Variants in TPPP observed in about 807,000 individuals in gnomAD.
TPPP encodes the protein tubulin polymerization-promoting protein.
Under a neutral mutation model 15.5 loss-of-function variants are expected in TPPP, and 6 were observed. The ratio of observed to expected loss-of-function variants is 0.39; its 90% CI spans 0.21 to 0.77. TPPP has a LOEUF of 0.77. Among genes scored for constraint, TPPP ranks in the 30% least tolerant of loss-of-function variants. TPPP has a pLI of 0.42. For synonymous variants in TPPP, 146 were observed against 133.9 expected, an observed-to-expected ratio of 1.09 and a Z score of -0.63; for missense variants, 269 against 307.2, an observed-to-expected ratio of 0.88 and a Z score of 0.93.
At chr5:668,382 G>T (rs1465869719) in intron 2 of TPPP, among the ~76,000 whole-genome samples, 3 of 104,388 alleles carry the variant, frequency 2.9e-5, no homozygotes, top group African/African-American at 1.2e-4. Flanking sequence ...GTCCGCGTGG[G>T]CCTCGTCAGG....
intron 1 of TPPP, among the ~76,000 whole-genome samples, chr5:691,372 C>G (rs1215265748): frequency 1.7e-5 from 1 of 58,050 alleles, no homozygotes; most frequent in East Asian, 3.3e-4. Flanking sequence ...CTCCCAGGGG[C>G]AGGGGCTGGC....
At chr5:666,983 A>G (rs1382419441) in intron 2 of TPPP, 1 of 152,236 alleles carries the variant, frequency 6.6e-6, no homozygotes. Flanking sequence ...GGACAGCGCG[A>G]GAAAGGCTGC....
rs1439417628 is a variant in TPPP at position 661,522 on chromosome 5, A to G, written c.*3580T>C. 6.6e-6 allele frequency: 1 copy of G among 152,418 alleles called. No homozygotes were observed. Among genetic ancestry groups the G allele is most frequent in the African/African-American group, 2.4e-5 (1 of 41,456 alleles). The allele number at this position is 152,418 out of a possible 1,614,324, so 9.4% of individuals were successfully genotyped here. On this transcript the variant is annotated 3_prime_UTR_variant, in exon 4 of 4. Transcript: ENST00000360578. ...TGTGCAGTTTGTTATTCACAAATAC[A>G]CATTTATTTTCTGTTGAACCGTGGT...
At chr5:668,207 C>A (rs79129291) in intron 2 of TPPP, among the ~76,000 whole-genome samples, 1 of 93,240 alleles carries the variant, frequency 1.1e-5, no homozygotes, top group African/African-American at 4.1e-5. Context: ...AGGGAAGTAC[C>A]GACAAGCACA....
chr5:693,609 C>T (rs1579204315), upstream of TPPP, among the ~76,000 whole-genome samples: 5 of 151,760 alleles, frequency 3.3e-5, no homozygotes, highest in Admixed American at 2.6e-4. Context: ...CGCGGCCGAC[C>T]CGCGGGTCGT....
Position 664,425 on chromosome 5 carries a change from C to T in TPPP, c.*677G>A, listed in dbSNP as rs1187378019. ...CACTGTGGTCAGCCGGGAAGCCGCC[C>T]ACTGCCCCTGACGGCTTTCGTTTTA... On this transcript the variant is annotated 3_prime_UTR_variant, in exon 4 of 4. Transcript: ENST00000360578. The T allele has an allele frequency of 6.6e-6, 1 of 152,554 alleles. No homozygotes were observed. Among genetic ancestry groups the T allele is most frequent in the Non-Finnish European group, 1.5e-5 (1 of 68,278 alleles). The allele number at this position is 152,554 out of a possible 1,614,324, so 9.5% of individuals were successfully genotyped here. A position where few individuals can be genotyped will look rare whatever the true frequency, so the allele number is the denominator to read the frequency against.
chr5:674,642 G>A (rs1740340892), intron 2 of TPPP, among the ~76,000 whole-genome samples: 1 of 152,050 alleles, frequency 6.6e-6, no homozygotes, highest in Non-Finnish European at 1.5e-5. Context: ...GAGCGGCCCT[G>A]GTCACCAGGA....
intron 1 of TPPP, among the ~76,000 whole-genome samples, chr5:686,217 C>A (rs1238522536): frequency 6.6e-6 from 1 of 152,270 alleles, no homozygotes; most frequent in African/African-American, 2.4e-5. Flanking sequence ...CTCATCCCAT[C>A]AACCATGTCG....
chr5:698,992 C>A, the TPPP span, among the ~76,000 whole-genome samples: 22 of 152,118 alleles, frequency 1.4e-4, 1 homozygote, highest in African/African-American at 5.1e-4. Context: ...AGAACTACAA[C>A]ACACTGATGA....
chr5:693,495 C>G (rs1209223944), upstream of TPPP: 1 of 82,356 alleles, frequency 1.2e-5, no homozygotes, highest in Non-Finnish European at 2.4e-5. Context: ...CCGCCCCCGC[C>G]GCCCCACCCG....
At chr5:668,075 G>A (rs56761240) in intron 2 of TPPP, among the ~76,000 whole-genome samples, 605 of 27,940 alleles carry the variant, frequency 0.022, 187 homozygotes, top group Non-Finnish European at 0.027. Context: ...CAAGCACACT[G>A]GAGAGGGGTC....
chr5:673,700 C>T (rs1740302001), intron 2 of TPPP, among the ~76,000 whole-genome samples: 1 of 152,236 alleles, frequency 6.6e-6, no homozygotes, highest in Admixed American at 6.5e-5. Flanking sequence ...CACCCCAAGG[C>T]TGGTCCCCGG....
the TPPP span, among the ~76,000 whole-genome samples, chr5:699,104 C>T: frequency 6.6e-6 from 1 of 151,846 alleles, no homozygotes; most frequent in African/African-American, 2.4e-5. Context: ...AATCTACAGA[C>T]CCAACACAAT....
the TPPP span, among the ~76,000 whole-genome samples, chr5:699,087 T>A: frequency 6.6e-6 from 1 of 151,872 alleles, no homozygotes; most frequent in Non-Finnish European, 1.5e-5. Flanking sequence ...ATCATACTGT[T>A]CAAAGCAATC....
chr5:667,225 G>A (rs1180296462), intron 2 of TPPP: 1 of 152,210 alleles, frequency 6.6e-6, no homozygotes, highest in Non-Finnish European at 1.5e-5. Context: ...CGTGGGCACG[G>A]GCACGCGGCC....
At chr5:684,164 G>GAA (rs1422294106) in intron 1 of TPPP, among the ~76,000 whole-genome samples, 48 of 152,114 alleles carry the variant, frequency 3.2e-4, no homozygotes, top group Non-Finnish European at 6.2e-4. Context: ...CCACCTTGAC[G>GAA]CCGAAGCCCT....
chr5:669,926 G>T (rs888313053), intron 2 of TPPP, among the ~76,000 whole-genome samples: 5 of 152,166 alleles, frequency 3.3e-5, no homozygotes, highest in African/African-American at 1.2e-4. Flanking sequence ...CAGAGACCAG[G>T]GTGCTGGAGG....
chr5:662,321 G>T lies in TPPP; in HGVS notation c.*2781C>A, dbSNP rs199674486. On this transcript the variant is annotated 3_prime_UTR_variant, in exon 4 of 4. Coordinates refer to ENST00000360578, the MANE Select transcript of TPPP (RefSeq NM_007030.3). ...GGAGGCTCTTCTCGTGCTCAGGGCC[G>T]GTTTCTGGTGTGCTCCCGATGCGCT... is the stretch of plus-strand genomic sequence containing the variant. 2 of 152,678 alleles carry T rather than the reference G, an allele frequency of 1.3e-5. No individual in the cohort carries two copies. Among genetic ancestry groups the T allele is most frequent in the East Asian group, 3.8e-4 (2 of 5,328 alleles). The allele number at this position is 152,678 out of a possible 1,614,324, so 9.5% of individuals were successfully genotyped here. A position where few individuals can be genotyped will look rare whatever the true frequency, so the allele number is the denominator to read the frequency against.
chr5:693,410 C>G (rs1310235835), upstream of TPPP: 3 of 142,690 alleles, frequency 2.1e-5, no homozygotes, highest in African/African-American at 7.8e-5. Context: ...CCGCCCAGCC[C>G]GGTCCCGGGC....
Sources: gnomAD v4.1 joint callset for allele counts (sites outside exome capture counted in the v4.1 genomes callset) on GRCh38, gnomAD v4.1.1 for gene constraint, MANE v1.5 for transcripts, NCBI Gene and HGNC (gene_info 2026-07-23, HGNC 2026-07-21) for gene names.